ACSM2B: variants seen among roughly 807,000 people sequenced by gnomAD.
ACSM2B encodes acyl-CoA synthetase medium chain family member 2B.
In ACSM2B, 58 loss-of-function variants were observed where a neutral mutation model predicts 78.6. The observed-to-expected ratio is 0.74, with a 90% CI of 0.60 to 0.92. ACSM2B has a LOEUF of 0.92. Among genes scored for constraint, ACSM2B ranks in the 40% least tolerant of loss-of-function variants. The probability of loss-of-function intolerance (pLI) is 0.00; values close to 1 mark genes in which losing one functional copy is unlikely to be tolerated. For missense variants in ACSM2B, 688 were observed against 711.2 expected (o/e 0.97, Z 0.37); for synonymous variants, 257 against 256.8 (o/e 1.00, Z -0.01).
At chr16:20,556,731 T>G (rs889324474) in intron 3 of ACSM2B, among the ~76,000 whole-genome samples, 2 of 152,148 alleles carry the variant, frequency 1.3e-5, no homozygotes, top group African/African-American at 4.8e-5. Context: ...TCTCAACACT[T>G]TGGGATTCTC....
At chr16:20,557,374 C>T (rs1346768851) in intron 3 of ACSM2B, among the ~76,000 whole-genome samples, 3 of 151,856 alleles carry the variant, frequency 2.0e-5, no homozygotes, top group Admixed American at 2.0e-4. Context: ...CTCTCTCCCT[C>T]GCATCTTCTT....
chr16:20,540,096 T>C (rs980778245), intron 13 of ACSM2B, among the ~76,000 whole-genome samples: 1 of 152,222 alleles, frequency 6.6e-6, no homozygotes, highest in African/African-American at 2.4e-5. Context: ...CTAGAACTTA[T>C]TCCCTTGACA....
At chr16:20,557,028 GC>G (rs2015496959) in intron 3 of ACSM2B, among the ~76,000 whole-genome samples, 1 of 151,990 alleles carries the variant, frequency 6.6e-6, no homozygotes. Context: ...GCGGGTGGGA[GC>G]TTTTAGTTGG....
chr16:20,566,649 A>ATGTAG (rs1567218145), intron 1 of ACSM2B, among the ~76,000 whole-genome samples: 11 of 48,354 alleles, frequency 2.3e-4, no homozygotes, highest in African/African-American at 2.0e-3. Flanking sequence ...TATATACTAT[A>ATGTAG]CTATATATAT....
intron 6 of ACSM2B, chr16:20,549,973 G>C: frequency 3.2e-6 from 1 of 312,368 alleles, no homozygotes; most frequent in Non-Finnish European, 6.2e-6. Flanking sequence ...ACTGACACTA[G>C]GCTTTTTAGA....
At chr16:20,539,821 G>C (rs1369158783) in intron 13 of ACSM2B, among the ~76,000 whole-genome samples, 1 of 151,688 alleles carries the variant, frequency 6.6e-6, no homozygotes, top group Non-Finnish European at 1.5e-5. Context: ...GTTTGGAGCT[G>C]ACAGAGCCAC....
intron 6 of ACSM2B, chr16:20,549,761 A>T (rs982194171): frequency 2.0e-5 from 9 of 450,946 alleles, no homozygotes; most frequent in Non-Finnish European, 3.5e-5. Flanking sequence ...AATCAAACAC[A>T]TTTAAAAAAT....
intron 1 of ACSM2B, among the ~76,000 whole-genome samples, chr16:20,572,844 C>A (rs183849622): frequency 2.0e-3 from 297 of 151,788 alleles, no homozygotes; most frequent in Non-Finnish European, 8.4e-4. Context: ...GAAGTTATTT[C>A]TTCTGCTTGT....
intron 6 of ACSM2B, among the ~76,000 whole-genome samples, chr16:20,551,118 A>G (rs1489496078): frequency 2.0e-5 from 3 of 152,216 alleles, no homozygotes; most frequent in Non-Finnish European, 4.4e-5. Flanking sequence ...TTCCATTTAC[A>G]TGAAATGCAA....
chr16:20,567,258 A>C (rs1351767532), intron 1 of ACSM2B, among the ~76,000 whole-genome samples: 1 of 127,650 alleles, frequency 7.8e-6, no homozygotes, highest in East Asian at 2.1e-4. Context: ...ATAATATATA[A>C]TATATAGTAT....
At chr16:20,572,404 C>T (rs905370978) in intron 1 of ACSM2B, among the ~76,000 whole-genome samples, 3 of 139,108 alleles carry the variant, frequency 2.2e-5, no homozygotes, top group South Asian at 4.7e-4. Context: ...GATAGGGCCC[C>T]AATCCCTTCT....
At chr16:20,570,716 T>A (rs1226622100) in intron 1 of ACSM2B, among the ~76,000 whole-genome samples, 1 of 151,712 alleles carries the variant, frequency 6.6e-6, no homozygotes, top group Admixed American at 6.6e-5. Context: ...GTTGTTGTTG[T>A]TGATAATTTT....
At chr16:20,556,786 G>T (rs1445654204) in intron 3 of ACSM2B, among the ~76,000 whole-genome samples, 1 of 152,056 alleles carries the variant, frequency 6.6e-6, no homozygotes, top group Admixed American at 6.6e-5. Context: ...TACCATGGTG[G>T]TCAATTGAGA....
At chr16:20,553,684 T>C in intron 5 of ACSM2B, 93 bp downstream of exon 5, 1 of 1,524,312 alleles carries the variant, frequency 6.6e-7, no homozygotes, top group South Asian at 1.3e-5. Flanking sequence ...AACCACAAGG[T>C]GGTGACACAG....
chr16:20,538,504 A>G (rs1344420583), intron 13 of ACSM2B, among the ~76,000 whole-genome samples: 1 of 152,188 alleles, frequency 6.6e-6, no homozygotes, highest in African/African-American at 2.4e-5. Context: ...AGGTATCCAG[A>G]TTTAATGCTA....
intron 5 of ACSM2B, among the ~76,000 whole-genome samples, chr16:20,553,020 G>A (rs537781704): frequency 2.0e-5 from 3 of 152,216 alleles, no homozygotes; most frequent in Non-Finnish European, 4.4e-5. Context: ...TAATATCTTA[G>A]TTATATTTAA....
In ACSM2B at chr16:20,559,345, C is replaced by T. The variant is rs1461535633; in HGVS notation, c.280G>A (p.Ala94Thr). The change falls in exon 3 of 14, where the codon GCC (alanine) becomes ACC (threonine). Residue 94 changes from alanine (A) to threonine (T), a missense_variant. Transcript: ENST00000329697. ...RELSENSQQA[A>T]NILSGACGLQ... The stretch of plus-strand genomic sequence containing the variant: ...CCACAGGCTCCCGAGAGGATGTTGG[C>T]TGCCTGCTGGCTGTTTTCACTCAGT... 6 of 1,607,914 alleles carry T rather than the reference C, an allele frequency of 3.7e-6. No homozygotes were observed. In the African/African-American group the frequency reaches 6.7e-5, roughly 18 times the overall value.
chr16:20,541,390 C>T (rs1385352269), intron 12 of ACSM2B: 1 of 152,236 alleles, frequency 6.6e-6, no homozygotes, highest in East Asian at 1.9e-4. Flanking sequence ...CCTACACACA[C>T]ATCAAAGTCC....
chr16:20,553,579 G>A (rs190957992), intron 5 of ACSM2B, among the ~76,000 whole-genome samples, 198 bp downstream of exon 5: 1 of 152,320 alleles, frequency 6.6e-6, no homozygotes, highest in East Asian at 1.9e-4. Flanking sequence ...TTGAGACCCT[G>A]TGTTATCTAA....
Sources: allele counts gnomAD v4.1 joint callset (sites outside exome capture counted in the v4.1 genomes callset), GRCh38; gene constraint gnomAD v4.1.1; transcripts MANE v1.5; gene names NCBI Gene and HGNC (gene_info 2026-07-23, HGNC 2026-07-21).